PTPRD: variants seen among roughly 807,000 people sequenced by gnomAD.
PTPRD encodes protein tyrosine phosphatase receptor type D, also known as receptor-type tyrosine-protein phosphatase delta.
Under a neutral mutation model 214.5 loss-of-function variants are expected in PTPRD, and 34 were observed. The observed-to-expected ratio is 0.16, with a 90% CI of 0.12 to 0.21. PTPRD has a LOEUF of 0.21. Ranked by LOEUF, PTPRD falls within the 10% of genes least tolerant of loss-of-function variation. PTPRD has a pLI of 1.00. For missense variants in PTPRD, 2,545 were observed against 2,398.7 expected (o/e 1.06, Z -1.27); for synonymous variants, 1,128 against 845.7 (o/e 1.33, Z -5.79).
chr9:8,502,122 GCAAT>G (rs1248913748), intron 23 of PTPRD, among the ~76,000 whole-genome samples: 1 of 151,894 alleles, frequency 6.6e-6, no homozygotes, highest in Non-Finnish European at 1.5e-5. Flanking sequence ...CACTTTCTGA[GCAAT>G]CATTTTCCAT....
chr9:10,098,693 T>C (rs2098520268), intron 3 of PTPRD, among the ~76,000 whole-genome samples: 1 of 151,648 alleles, frequency 6.6e-6, no homozygotes, highest in Non-Finnish European at 1.5e-5. Context: ...CCTACTTCAG[T>C]CAGTTTTTAA....
At chr9:9,554,995 G>C (rs1488921508) in intron 8 of PTPRD, among the ~76,000 whole-genome samples, 1 of 151,942 alleles carries the variant, frequency 6.6e-6, no homozygotes, top group Non-Finnish European at 1.5e-5. Flanking sequence ...TAATGGGTTA[G>C]AATTTTTATC....
intron 12 of PTPRD, chr9:8,713,342 A>C (rs2098385575): frequency 2.1e-6 from 2 of 947,338 alleles, no homozygotes; most frequent in Admixed American, 1.9e-5. Context: ...AGAGAGTACA[A>C]AGTAGTGGGT....
Position 10,044,018 on chromosome 9 carries a change from G to T in PTPRD, c.-544-10228C>A, listed in dbSNP as rs553205970. Among the ~76,000 whole-genome samples, 255 of 151,814 alleles carry T rather than the reference G, an allele frequency of 1.7e-3. 1 individual carries two copies. The highest frequency in any genetic ancestry group is 6.0e-3 in the African/African-American group (248 of 41,494). The stretch of plus-strand genomic sequence containing the variant: ...TGTAACAAATATTTAGAGCCTTCAA[G>T]TTCCCTTTGTAGAGGGTCTAACATG... On this transcript the variant is annotated intron_variant, in intron 3 of 45. Coordinates refer to ENST00000381196, the MANE Select transcript of PTPRD (RefSeq NM_002839.4).
At chr9:9,553,601 C>A (rs117192638) in intron 8 of PTPRD, among the ~76,000 whole-genome samples, 1 of 151,894 alleles carries the variant, frequency 6.6e-6, no homozygotes, top group African/African-American at 2.4e-5. Context: ...TATGGATACC[C>A]CTTACTTACT....
chr9:9,772,433 A>G (rs2098759422), intron 5 of PTPRD, among the ~76,000 whole-genome samples: 1 of 152,214 alleles, frequency 6.6e-6, no homozygotes. Flanking sequence ...CAAATATGCG[A>G]CGGGTAAATT....
At chr9:8,781,511 G>A (rs1460316732) in intron 11 of PTPRD, among the ~76,000 whole-genome samples, 1 of 152,128 alleles carries the variant, frequency 6.6e-6, no homozygotes, top group Non-Finnish European at 1.5e-5. Context: ...TAAAGTAAGA[G>A]TACAACTCAT....
chr9:9,999,559 T>C (rs1201815431), intron 4 of PTPRD, among the ~76,000 whole-genome samples: 1 of 152,222 alleles, frequency 6.6e-6, no homozygotes, highest in Non-Finnish European at 1.5e-5. Flanking sequence ...TCTTGGCAAG[T>C]AAAGTTTTAA....
chr9:9,199,472 C>A (rs1473060635), intron 9 of PTPRD, among the ~76,000 whole-genome samples: 1 of 152,098 alleles, frequency 6.6e-6, no homozygotes, highest in Non-Finnish European at 1.5e-5. Flanking sequence ...GTAGAATTCA[C>A]ATGCAGTGAT....
At chr9:8,708,829 A>T (rs1323861640) in intron 12 of PTPRD, among the ~76,000 whole-genome samples, 1 of 152,158 alleles carries the variant, frequency 6.6e-6, no homozygotes, top group Admixed American at 6.6e-5. Context: ...ATTAGCCAAG[A>T]TGTGGAAGCA....
chr9:8,379,417 G>C (rs923229020), intron 37 of PTPRD, among the ~76,000 whole-genome samples: 2 of 152,102 alleles, frequency 1.3e-5, no homozygotes, highest in African/African-American at 4.8e-5. Context: ...GAATTTAAGG[G>C]CTTAGAGTTA....
chr9:9,551,130 T>A (rs1028991437), intron 8 of PTPRD, among the ~76,000 whole-genome samples: 6 of 151,942 alleles, frequency 3.9e-5, no homozygotes, highest in Admixed American at 6.6e-5. Context: ...GAACTTATGT[T>A]CACCCTAAAC....
chr9:9,941,732 A>T (rs2091500687), intron 4 of PTPRD, among the ~76,000 whole-genome samples: 2 of 152,176 alleles, frequency 1.3e-5, no homozygotes, highest in Admixed American at 6.6e-5. Context: ...TGCATGGTGG[A>T]GAGTAGAACA....
intron 2 of PTPRD, among the ~76,000 whole-genome samples, chr9:10,405,784 A>G (rs2098344641): frequency 6.6e-6 from 1 of 151,472 alleles, no homozygotes; most frequent in African/African-American, 2.4e-5. Context: ...TGGTTTGGTG[A>G]AGCCTAATTA....
At chr9:8,632,223 A>G (rs2096276673) in intron 14 of PTPRD, among the ~76,000 whole-genome samples, 1 of 151,604 alleles carries the variant, frequency 6.6e-6, no homozygotes, top group African/African-American at 2.4e-5. Flanking sequence ...CTGGCCTCCA[A>G]ATAAATAAGT....
Position 8,726,470 on chromosome 9 carries a change from G to A in PTPRD, c.64+7310C>T, listed in dbSNP as rs567177935. 2.1e-3 allele frequency among the ~76,000 whole-genome samples: 306 copies of A among 145,938 alleles called. 1 individual carries two copies. The highest frequency in any genetic ancestry group is 3.0e-3 in the Non-Finnish European group (202 of 66,828). On this transcript the variant is annotated intron_variant, in intron 12 of 45. Coordinates refer to ENST00000381196, the MANE Select transcript of PTPRD (RefSeq NM_002839.4). ...AAGAAGGCCGGGTGTGGTGGCTAACGCCTATAATTCCAGCACTTTGGGAGG... is the reference window on the plus strand; with the variant it reads ...AAGAAGGCCGGGTGTGGTGGCTAACACCTATAATTCCAGCACTTTGGGAGG...
chr9:10,541,837 T>A (rs1414336420), intron 2 of PTPRD, among the ~76,000 whole-genome samples: 1 of 152,030 alleles, frequency 6.6e-6, no homozygotes, highest in Admixed American at 6.6e-5. Flanking sequence ...TTAAATATAT[T>A]TAATAACAAA....
intron 3 of PTPRD, among the ~76,000 whole-genome samples, chr9:10,150,241 G>A (rs771036349): frequency 6.6e-6 from 1 of 152,048 alleles, no homozygotes; most frequent in African/African-American, 2.4e-5. Context: ...AAATACAATG[G>A]CAAAGACTTG....
At chr9:8,804,012 G>C (rs968428616) in intron 11 of PTPRD, among the ~76,000 whole-genome samples, 2 of 151,930 alleles carry the variant, frequency 1.3e-5, no homozygotes, top group Non-Finnish European at 2.9e-5. Context: ...GAGTGTAGTG[G>C]TGCAATCTTG....
Sources: gnomAD v4.1 joint callset for allele counts (sites outside exome capture counted in the v4.1 genomes callset) on GRCh38, gnomAD v4.1.1 for gene constraint, MANE v1.5 for transcripts, NCBI Gene and HGNC (gene_info 2026-07-23, HGNC 2026-07-21) for gene names.